The following NME7 variants were observed in gnomAD, a reference collection of about 807,000 sequenced individuals.
NME7 encodes the protein NME/NM23 family member 7.
In NME7, 41 loss-of-function variants were observed where a neutral mutation model predicts 49.1. The ratio of observed to expected loss-of-function variants is 0.83; its 90% confidence interval spans 0.65 to 1.08. NME7 has a LOEUF of 1.08. Among genes scored for constraint, NME7 ranks in the 50% least tolerant of loss-of-function variants. The pLI is 0.00. For missense variants in NME7, 423 were observed against 463.4 expected (o/e 0.91, Z 0.80); for synonymous variants, 139 against 150.6 (o/e 0.92, Z 0.56).
intron 1 of NME7, among the ~76,000 whole-genome samples, chr1:169,364,974 G>T (rs1217313707): frequency 6.6e-6 from 1 of 152,166 alleles, no homozygotes; most frequent in East Asian, 1.9e-4. Context: ...CACAAGATTT[G>T]TAACTTCACC....
In NME7 at chr1:169,159,519, C is replaced by T. The variant is rs577659161; in HGVS notation, c.1098+9928G>A. Reference sequence around the variant, plus strand: ...GGCCATTATATTCACCTCTTTTCTCCGATCCTGCTATTCTCACATGGCTCT... The same window carrying T: ...GGCCATTATATTCACCTCTTTTCTCTGATCCTGCTATTCTCACATGGCTCT... On this transcript the variant is annotated intron_variant, in intron 11 of 11. Coordinates refer to ENST00000367811, the MANE Select transcript of NME7 (RefSeq NM_013330.5). Among the ~76,000 whole-genome samples, 29 of 152,326 alleles carry T rather than the reference C, an allele frequency of 1.9e-4. 1 individual carries two copies. The South Asian group carries it at 3.3e-3, about 17-fold the overall frequency.
chr1:169,170,081 T>C (rs765493027), intron 10 of NME7, among the ~76,000 whole-genome samples: 6 of 152,128 alleles, frequency 3.9e-5, no homozygotes, highest in Non-Finnish European at 8.8e-5. Flanking sequence ...AATGAAAAGG[T>C]GGATCAATGA....
At chr1:169,210,170 T>C (rs892705879) in intron 10 of NME7, among the ~76,000 whole-genome samples, 13 of 152,044 alleles carry the variant, frequency 8.6e-5, no homozygotes, top group Non-Finnish European at 1.5e-5. Context: ...AAAATGGAGG[T>C]AAAAGGGCAA....
At chr1:169,344,613 T>C (rs372677887) in intron 1 of NME7, among the ~76,000 whole-genome samples, 3 of 152,300 alleles carry the variant, frequency 2.0e-5, no homozygotes, top group Admixed American at 1.3e-4. Context: ...TGTTTTTCTG[T>C]GTCTAACGAT....
intron 7 of NME7, among the ~76,000 whole-genome samples, chr1:169,271,388 A>G (rs1292187481): frequency 7.5e-6 from 1 of 133,600 alleles, no homozygotes; most frequent in East Asian, 2.0e-4. Context: ...TACTCCCTCT[A>G]CTGCTCAAAC....
chr1:169,367,675 A>G (rs370315923), intron 1 of NME7, 33 bp downstream of exon 1: 88 of 1,613,964 alleles, frequency 5.5e-5, no homozygotes, highest in Non-Finnish European at 6.7e-5. Flanking sequence ...GTAGGACCCC[A>G]GAGCCGTTCT....
At chr1:169,251,892 A>C (rs970514706) in intron 7 of NME7, among the ~76,000 whole-genome samples, 2 of 151,378 alleles carry the variant, frequency 1.3e-5, no homozygotes, top group Non-Finnish European at 2.9e-5. Flanking sequence ...ACATGAACTC[A>C]TCATTTTTTA....
At chr1:169,209,698 T>C (rs1660761469) in intron 10 of NME7, among the ~76,000 whole-genome samples, 1 of 152,154 alleles carries the variant, frequency 6.6e-6, no homozygotes, top group Non-Finnish European at 1.5e-5. Context: ...GAGCTTCCTG[T>C]TGCACTCAGA....
chr1:169,305,843 CT>C (rs957677193), intron 4 of NME7, among the ~76,000 whole-genome samples: 1 of 152,180 alleles, frequency 6.6e-6, no homozygotes, highest in Non-Finnish European at 1.5e-5. Context: ...TCTTTTGTCT[CT>C]GACCCAGAAG....
At chr1:169,162,668 A>G (rs186788329) in intron 11 of NME7, among the ~76,000 whole-genome samples, 1 of 151,710 alleles carries the variant, frequency 6.6e-6, no homozygotes, top group East Asian at 1.9e-4. Flanking sequence ...ACACGATGAG[A>G]CCCCATCTTT....
intron 11 of NME7, among the ~76,000 whole-genome samples, chr1:169,146,805 C>T (rs577305475): frequency 3.9e-5 from 6 of 152,144 alleles, no homozygotes; most frequent in South Asian, 4.1e-4. Context: ...AAGGGGTGAA[C>T]TACACAGAAA....
chr1:169,145,581 T>C (rs1377313520), intron 11 of NME7, among the ~76,000 whole-genome samples: 1 of 152,170 alleles, frequency 6.6e-6, no homozygotes, highest in African/African-American at 2.4e-5. Context: ...AGCCTCATTG[T>C]AGCCTCTTTC....
At position 169,190,792 on chromosome 1, in the gene NME7, CTGTT is replaced by C. The variant is rs1350771301; in HGVS notation, c.991-21242_991-21239del. 4.7e-5 allele frequency: 6 copies of C among 127,376 alleles called. 1 individual carries two copies. Among genetic ancestry groups the C allele is most frequent in the Non-Finnish European group, 3.0e-5 (2 of 67,724 alleles). 7.9% of individuals were successfully genotyped at this position (127,376 alleles called of 1,614,324 possible). ...TTATCACAGGAAGGAAGCAAGTGAA[CTGTT>C]TCTTTTTTTTTTTTTTTTTTTTTTT... On this transcript the variant is annotated intron_variant, in intron 10 of 11. Transcript: ENST00000367811.
intron 10 of NME7, among the ~76,000 whole-genome samples, chr1:169,218,210 C>T (rs1661027990): frequency 2.6e-5 from 4 of 152,226 alleles, no homozygotes; most frequent in Middle Eastern, 3.4e-3. Flanking sequence ...TACCGTAGTA[C>T]AACTTATTCC....
chr1:169,209,117 G>A (rs1660748860), intron 10 of NME7, among the ~76,000 whole-genome samples: 1 of 151,974 alleles, frequency 6.6e-6, no homozygotes, highest in African/African-American at 2.4e-5. Context: ...TAACACTGAA[G>A]GAGCAGCATA....
At chr1:169,237,323 A>G (rs756598072) in intron 8 of NME7, among the ~76,000 whole-genome samples, 3 of 152,150 alleles carry the variant, frequency 2.0e-5, no homozygotes, top group African/African-American at 7.2e-5. Flanking sequence ...TTATAAGAAC[A>G]AAATACAGTT....
At chr1:169,349,505 G>A (rs528215988) in intron 1 of NME7, among the ~76,000 whole-genome samples, 3 of 152,008 alleles carry the variant, frequency 2.0e-5, no homozygotes, top group Non-Finnish European at 4.4e-5. Context: ...AATTCCTTTC[G>A]CTTGCTTTCT....
At position 169,257,204 on chromosome 1, in the gene NME7, G is replaced by A. The variant is rs756804438; in HGVS notation, c.755-19517C>T. On this transcript the variant is annotated intron_variant, in intron 7 of 11. Coordinates refer to ENST00000367811, the MANE Select transcript of NME7 (RefSeq NM_013330.5). Reference sequence around the variant, plus strand: ...AGTTTGATCTCAGACTGCTGTGCTGGCAATCGGCGAGACTCCGTGGGCATA... The same window carrying A: ...AGTTTGATCTCAGACTGCTGTGCTGACAATCGGCGAGACTCCGTGGGCATA... 3.0e-5 allele frequency among the ~76,000 whole-genome samples: 4 copies of A among 134,132 alleles called. 1 individual carries two copies. The highest frequency in any genetic ancestry group is 1.0e-4 in the African/African-American group (4 of 39,602). The allele number at this position is 134,132 out of a possible 152,430, so 88.0% of individuals were successfully genotyped here.
At chr1:169,363,020 A>C (rs1372347785) in intron 1 of NME7, among the ~76,000 whole-genome samples, 1 of 151,872 alleles carries the variant, frequency 6.6e-6, no homozygotes, top group African/African-American at 2.4e-5. Flanking sequence ...TGGGAGGATC[A>C]CTTGAGCCCA....
Sources: allele counts gnomAD v4.1 joint callset (sites outside exome capture counted in the v4.1 genomes callset), GRCh38; gene constraint gnomAD v4.1.1; transcripts MANE v1.5; gene names NCBI Gene and HGNC (gene_info 2026-07-23, HGNC 2026-07-21).